The following VPS25 variants were observed in gnomAD, a reference collection of about 807,000 sequenced individuals.
The protein encoded by VPS25 is vacuolar protein sorting 25 homolog.
Under a neutral mutation model 30.3 loss-of-function variants are expected in VPS25, and 21 were observed. The ratio of observed to expected loss-of-function variants is 0.69; its 90% confidence interval spans 0.49 to 1.00. VPS25 has a LOEUF of 1.00. VPS25 is among the 50% of genes least tolerant of loss of function. The probability of loss-of-function intolerance (pLI) is 0.00; values close to 1 mark genes in which losing one functional copy is unlikely to be tolerated. For synonymous variants in VPS25, 101 were observed against 88.1 expected (o/e 1.15, Z -0.82); for missense variants, 156 against 217.2 (o/e 0.72, Z 1.77).
intron 3 of VPS25, 64 bp downstream of exon 3, chr17:42,774,763 G>A: frequency 6.9e-7 from 1 of 1,456,712 alleles, no homozygotes; most frequent in Admixed American, 1.8e-5. Context: ...GGGCAAATTA[G>A]GATAAGTCTT....
chr17:42,778,724 G>A (rs1191326216), intron 5 of VPS25, among the ~76,000 whole-genome samples: 1 of 152,206 alleles, frequency 6.6e-6, no homozygotes. Context: ...GGCTGAGTCT[G>A]AGAGGAGAAC....
rs1383030101 is a variant in VPS25 at position 42,775,301 on chromosome 17, A to G, written c.254-80A>G. ...AGGCTAGTTTCGAACTCCTGGGCTC[A>G]AGCAGTCCTCCCGCCTTGGCCTCCC... On this transcript the variant is annotated intron_variant, in intron 3 of 5. Transcript: ENST00000253794. The G allele has an allele frequency of 3.0e-5, 33 of 1,099,538 alleles. No individual in the cohort carries two copies. The Middle Eastern group carries it at 7.9e-4, about 26-fold the overall frequency. 68.1% of individuals were successfully genotyped at this position (1,099,538 alleles called of 1,614,324 possible). A position where few individuals can be genotyped will look rare whatever the true frequency, so the allele number is the denominator to read the frequency against.
At position 42,773,868 on chromosome 17, in the gene VPS25, C is replaced by G. The variant is rs1277781054; in HGVS notation, c.189C>G (p.Val63=). Residue 63 remains valine, a synonymous_variant, in exon 2 of 6, where the codon GTC becomes GTG. Coordinates refer to ENST00000253794, the MANE Select transcript of VPS25 (RefSeq NM_032353.4). ...AGGAGAGCCCGCTCTTCAACAACGT[C>G]AAGCTACAGCGTATCCTCCCTCAGG... ...EAQESPLFNN[V]KLQRKLPVES... 6.2e-7 allele frequency: 1 copy of G among 1,613,260 alleles called. No individual in the cohort carries two copies. The highest frequency in any genetic ancestry group is 2.2e-5 in the East Asian group (1 of 44,882).
chr17:42,777,902 C>A (rs1315729838), intron 5 of VPS25, among the ~76,000 whole-genome samples: 1 of 152,156 alleles, frequency 6.6e-6, no homozygotes, highest in Non-Finnish European at 1.5e-5. Flanking sequence ...CCCTGGCTGC[C>A]CTAGCAGAGT....
chr17:42,774,371 T>C, intron 2 of VPS25: 1 of 333,906 alleles, frequency 3.0e-6, no homozygotes, highest in Non-Finnish European at 5.3e-6. Context: ...CTTCTTTCTT[T>C]CTTTTTTTTT....
intron 3 of VPS25, 88 bp from the exon 4 acceptor site, chr17:42,775,293 C>T: frequency 1.0e-6 from 1 of 995,818 alleles, no homozygotes; most frequent in Non-Finnish European, 1.6e-6. Context: ...TTTCGAACTC[C>T]TGGGCTCAAG....
intron 4 of VPS25, 78 bp from the exon 5 acceptor site, chr17:42,776,167 G>C: frequency 7.9e-7 from 1 of 1,272,858 alleles, no homozygotes; most frequent in Non-Finnish European, 1.1e-6. Context: ...TCCTGGATCA[G>C]AGGGGTGGAG....
rs1381088625 is a variant in VPS25 at position 42,774,656 on chromosome 17, T to G, written c.210T>G (p.Pro70=). Residue 70 remains proline, a synonymous_variant, in exon 3 of 6, where the codon CCT becomes CCG. Transcript: ENST00000253794. The stretch of plus-strand genomic sequence containing the variant: ...TTAACCTTAAACCAGGAAAGCTTCC[T>G]GTGGAGTCGATCCAGATTGTATTAG... ...FNNVKLQRKL[P]VESIQIVLEE... The G allele has an allele frequency of 1.6e-5, 26 of 1,613,098 alleles. No homozygotes were observed. Among genetic ancestry groups the G allele is most frequent in the Non-Finnish European group, 2.2e-5 (26 of 1,179,290 alleles).
chr17:42,778,954 C>A lies in VPS25; in HGVS notation c.419-3C>A. 6.2e-7 allele frequency: 1 copy of A among 1,613,702 alleles called. No homozygotes were observed. Among genetic ancestry groups the A allele is most frequent in the South Asian group, 1.1e-5 (1 of 90,974 alleles). On this transcript the variant is annotated splice_region_variant and splice_polypyrimidine_tract_variant and intron_variant, in intron 5 of 5. Transcript: ENST00000253794. ...TTGTCTCTGCCTATCTCTCCCTGTT[C>A]AGAGTTCCACGGGCTGGATGAAGCC...
chr17:42,776,728 T>G (rs965219501), intron 5 of VPS25, among the ~76,000 whole-genome samples: 12 of 150,804 alleles, frequency 8.0e-5, no homozygotes, highest in Admixed American at 3.3e-4. Flanking sequence ...TGGCGCAGTC[T>G]CTGCTCACTG....
chr17:42,773,859 C>T lies in VPS25; in HGVS notation c.180C>T (p.Phe60=), dbSNP rs2054422750. 2 of 1,613,480 alleles carry T rather than the reference C, an allele frequency of 1.2e-6. No homozygotes were observed. The highest frequency in any genetic ancestry group is 2.7e-5 in the African/African-American group (2 of 74,914). ...TVMEAQESPL[F]NNVKLQRKLP... Reference sequence around the variant, plus strand: ...TGGAAGCTCAGGAGAGCCCGCTCTTCAACAACGTCAAGCTACAGCGTATCC... The same window carrying T: ...TGGAAGCTCAGGAGAGCCCGCTCTTTAACAACGTCAAGCTACAGCGTATCC... Residue 60 remains phenylalanine, a synonymous_variant, in exon 2 of 6, where the codon TTC becomes TTT. Transcript: ENST00000253794.
intron 3 of VPS25, 146 bp from the exon 4 acceptor site, chr17:42,775,235 G>T (rs756889146): frequency 2.7e-5 from 16 of 600,684 alleles, no homozygotes; most frequent in Non-Finnish European, 4.4e-5. Context: ...TCTATAGAGA[G>T]AATTTTTTTG....
intron 5 of VPS25, among the ~76,000 whole-genome samples, chr17:42,778,694 C>G (rs1228393513): frequency 1.3e-5 from 2 of 152,192 alleles, no homozygotes; most frequent in Non-Finnish European, 2.9e-5. Flanking sequence ...GCATCAGACA[C>G]AAATGCTAGG....
At position 42,779,174 on chromosome 17, in the gene VPS25, T is replaced by TC. The variant is rs1330278892; in HGVS notation, c.*106dup. ...GACTGGATCTGTGACTCCACCAGAC[T>TC]CAAAAGGACTCCAGTCCTGAAGGCT... On this transcript the variant is annotated 3_prime_UTR_variant, in exon 6 of 6. Coordinates refer to ENST00000253794, the MANE Select transcript of VPS25 (RefSeq NM_032353.4). 3 of 1,026,530 alleles carry TC rather than the reference T, an allele frequency of 2.9e-6. No individual in the cohort carries two copies. Among genetic ancestry groups the TC allele is most frequent in the Non-Finnish European group, 4.4e-6 (3 of 684,450 alleles). 63.6% of individuals were successfully genotyped at this position (1,026,530 alleles called of 1,614,324 possible).
intron 4 of VPS25, 92 bp downstream of exon 4, chr17:42,775,561 C>A: frequency 1.9e-6 from 2 of 1,032,466 alleles, no homozygotes; most frequent in Non-Finnish European, 2.8e-6. Flanking sequence ...TTCCCAGATC[C>A]AGACTGAGCA....
rs1597891154 is a variant in VPS25, at chr17:42,779,118, T to C, written c.*49T>C. On this transcript the variant is annotated 3_prime_UTR_variant, in exon 6 of 6. Transcript: ENST00000253794. ...CTTACCTCCCACCTTTCCAGGGCTT[T>C]CAAAAGGAGACAGACCCAGTGTCCC... The C allele has an allele frequency of 6.5e-7, 1 of 1,540,922 alleles. No individual in the cohort carries two copies. Among genetic ancestry groups the C allele is most frequent in the South Asian group, 1.2e-5 (1 of 86,376 alleles).
chr17:42,778,675 C>A (rs2054449433), intron 5 of VPS25, among the ~76,000 whole-genome samples: 1 of 152,230 alleles, frequency 6.6e-6, no homozygotes, highest in Non-Finnish European at 1.5e-5. Context: ...CAGATGGTGT[C>A]ATTCTCGTGC....
intron 2 of VPS25, chr17:42,774,344 C>T: frequency 3.0e-6 from 1 of 329,524 alleles, no homozygotes; most frequent in Non-Finnish European, 5.4e-6. Flanking sequence ...AATGACAGTA[C>T]CTTTCATTTT....
chr17:42,776,028 C>T (rs142233369), intron 4 of VPS25, among the ~76,000 whole-genome samples: 10 of 152,190 alleles, frequency 6.6e-5, no homozygotes, highest in Non-Finnish European at 1.2e-4. Flanking sequence ...TCCTCAGACA[C>T]GTGAAGACCT....
Sources: allele counts gnomAD v4.1 joint callset (sites outside exome capture counted in the v4.1 genomes callset), GRCh38; gene constraint gnomAD v4.1.1; transcripts MANE v1.5; gene names NCBI Gene and HGNC (gene_info 2026-07-23, HGNC 2026-07-21).